Variants in PLAG1 observed in about 807,000 individuals in gnomAD.
PLAG1 encodes the protein PLAG1 zinc finger, also known as zinc finger protein PLAG1.
Under a neutral mutation model 35.5 loss-of-function variants are expected in PLAG1, and 7 were observed. The ratio of observed to expected loss-of-function variants is 0.20; its 90% CI spans 0.11 to 0.37. PLAG1 has a LOEUF of 0.37. Among genes scored for constraint, PLAG1 ranks in the 10% least tolerant of loss-of-function variants. The pLI, the probability that PLAG1 is intolerant of heterozygous loss-of-function variation, is 1.00. For missense variants in PLAG1, 454 were observed against 602.8 expected (o/e 0.75, Z 2.58); for synonymous variants, 229 against 225.4 (o/e 1.02, Z -0.14).
At chr8:56,202,104 T>A (rs1812572527) in intron 1 of PLAG1, among the ~76,000 whole-genome samples, 1 of 152,130 alleles carries the variant, frequency 6.6e-6, no homozygotes, top group Non-Finnish European at 1.5e-5. Flanking sequence ...AAAATACTAG[T>A]CTAATTCTAC....
chr8:56,183,699 T>C (rs1410617409), intron 1 of PLAG1, among the ~76,000 whole-genome samples: 1 of 152,224 alleles, frequency 6.6e-6, no homozygotes, highest in Non-Finnish European at 1.5e-5. Flanking sequence ...TCTTTACAAA[T>C]GTCTTTATAA....
intron 2 of PLAG1, among the ~76,000 whole-genome samples, chr8:56,178,283 A>G (rs963522320): frequency 7.9e-5 from 12 of 152,206 alleles, no homozygotes; most frequent in African/African-American, 2.4e-4. Flanking sequence ...GCATAAATTT[A>G]GTTTGGCTAA....
Position 56,162,161 on chromosome 8 carries a change from T to C in PLAG1, c.*4082A>G. The stretch of plus-strand genomic sequence containing the variant: ...GTTGTAGACATGGCTGCTGACACAG[T>C]GTGAGAAAAACAAGACAAATTCAAC... On this transcript the variant is annotated 3_prime_UTR_variant, in exon 5 of 5. Coordinates refer to ENST00000316981, the MANE Select transcript of PLAG1 (RefSeq NM_002655.3). 4.4e-6 allele frequency: 1 copy of C among 228,336 alleles called. No individual in the cohort carries two copies. The highest frequency in any genetic ancestry group is 8.7e-6 in the Non-Finnish European group (1 of 114,658). The allele number at this position is 228,336 out of a possible 1,614,324, so 14.1% of individuals were successfully genotyped here.
In PLAG1 at chr8:56,167,899, C is replaced by T; in HGVS notation, c.242+129G>A. ...AGAATACTAAAAACTAAACCAATGT[C>T]TAATCTACTTAACATTTCCTCTTTG... On this transcript the variant is annotated intron_variant, in intron 4 of 4. Transcript: ENST00000316981. The surrounding 1 kb of genome is among the most constrained non-coding windows in gnomAD (Gnocchi z 5.9). The T allele has an allele frequency of 1.7e-6, 1 of 580,028 alleles. No homozygotes were observed. Among genetic ancestry groups the T allele is most frequent in the African/African-American group, 1.9e-5 (1 of 53,768 alleles). 35.9% of individuals were successfully genotyped at this position (580,028 alleles called of 1,614,324 possible).
intron 2 of PLAG1, 71 bp downstream of exon 2, chr8:56,179,338 T>A (rs1811799821): frequency 5.6e-6 from 1 of 177,722 alleles, no homozygotes; most frequent in Admixed American, 6.5e-5. Context: ...ATATTATATC[T>A]TATAGTATTT....
In PLAG1 at chr8:56,168,042, C is replaced by T. The variant is rs779867482; in HGVS notation, c.228G>A (p.Lys76=). 8.3e-6 allele frequency: 13 copies of T among 1,562,054 alleles called. No homozygotes were observed. In the African/African-American group the frequency reaches 1.4e-4, roughly 16 times the overall value. Residue 76 remains lysine, a synonymous_variant, in exon 4 of 5, where the codon AAG becomes AAA. Coordinates refer to ENST00000316981, the MANE Select transcript of PLAG1 (RefSeq NM_002655.3). ...QQDCTKAFVS[K]YKLQRHMATH... is the part of the protein sequence containing the mutation. The stretch of plus-strand genomic sequence containing the variant: ...GAGTTTAATACCTTTGTAATTTGTA[C>T]TTAGAAACAAAGGCCTTGGTGCAGT...
At chr8:56,205,108 T>G (rs1291294506) in intron 1 of PLAG1, among the ~76,000 whole-genome samples, 1 of 151,910 alleles carries the variant, frequency 6.6e-6, no homozygotes, top group Non-Finnish European at 1.5e-5. Context: ...TTTTTAAATG[T>G]GACTAAGTCT....
At chr8:56,187,237 C>G (rs909476631) in intron 1 of PLAG1, among the ~76,000 whole-genome samples, 1 of 152,188 alleles carries the variant, frequency 6.6e-6, no homozygotes, top group Non-Finnish European at 1.5e-5. Context: ...AGATGTGTTA[C>G]AGAGAGAAGG....
intron 1 of PLAG1, among the ~76,000 whole-genome samples, chr8:56,191,361 G>A (rs1226993714): frequency 6.6e-6 from 1 of 152,166 alleles, no homozygotes; most frequent in Non-Finnish European, 1.5e-5. Context: ...AAGTCAGCAG[G>A]AGCAAGGAAG....
In PLAG1 at chr8:56,161,697, C is replaced by T; in HGVS notation, c.*4546G>A. ...TCACAGTATAAAAATATATTGTACA[C>T]TTTTACACCTAATGTAGTCCTTTTT... On this transcript the variant is annotated 3_prime_UTR_variant, in exon 5 of 5. Transcript: ENST00000316981. 4.4e-6 allele frequency: 1 copy of T among 227,792 alleles called. No individual in the cohort carries two copies. Among genetic ancestry groups the T allele is most frequent in the East Asian group, 6.3e-5 (1 of 15,858 alleles). 14.1% of individuals were successfully genotyped at this position (227,792 alleles called of 1,614,324 possible).
intron 2 of PLAG1, among the ~76,000 whole-genome samples, chr8:56,174,681 A>G (rs575754274): frequency 6.6e-6 from 1 of 152,226 alleles, no homozygotes; most frequent in African/African-American, 2.4e-5. Context: ...CATAATAGAC[A>G]TAAGATAGAA....
At chr8:56,207,797 A>G (rs1406931374) in intron 1 of PLAG1, among the ~76,000 whole-genome samples, 4 of 152,144 alleles carry the variant, frequency 2.6e-5, no homozygotes, top group African/African-American at 9.6e-5. Flanking sequence ...AGCTCAGTAC[A>G]ATCACTTCAA....
chr8:56,197,716 G>T (rs1481717798), intron 1 of PLAG1, among the ~76,000 whole-genome samples: 1 of 152,212 alleles, frequency 6.6e-6, no homozygotes, highest in Non-Finnish European at 1.5e-5. Context: ...TGGGGGGTGT[G>T]CATCCTTTTC....
intron 1 of PLAG1, among the ~76,000 whole-genome samples, chr8:56,200,283 GGAAGTTCCAACT>G (rs1812512426): frequency 6.6e-6 from 1 of 152,124 alleles, no homozygotes; most frequent in African/African-American, 2.4e-5. Flanking sequence ...AACCCATGAC[GGAAGTTCCAACT>G]GAATATAGAA....
intron 1 of PLAG1, among the ~76,000 whole-genome samples, chr8:56,194,504 CA>C (rs1029999903): frequency 6.6e-6 from 1 of 152,074 alleles, no homozygotes; most frequent in African/African-American, 2.4e-5. Context: ...GGGTGCACTA[CA>C]GTGGGAGAGA....
At position 56,164,482 on chromosome 8, in the gene PLAG1, C is replaced by G; in HGVS notation, c.*1761G>C. 4.5e-6 allele frequency: 1 copy of G among 222,926 alleles called. No homozygotes were observed. The highest frequency in any genetic ancestry group is 9.0e-6 in the Non-Finnish European group (1 of 111,328). The allele number at this position is 222,926 out of a possible 1,614,324, so 13.8% of individuals were successfully genotyped here. On this transcript the variant is annotated 3_prime_UTR_variant, in exon 5 of 5. Transcript: ENST00000316981. ...AGAAATTCTTGGTAAACATTGCAAT[C>G]TGCAGTGATAACTGGCCCTACAAAA...
chr8:56,193,695 CT>C (rs760038291), intron 1 of PLAG1, among the ~76,000 whole-genome samples: 1,956 of 130,780 alleles, frequency 0.015, 24 homozygotes, highest in African/African-American at 0.049. Context: ...ATTAGGTAAA[CT>C]TTTTTTTTTT....
rs771792606 is a variant in PLAG1, at chr8:56,167,483, G to A, written c.263C>T (p.Pro88Leu). Residue 88 changes from proline (P) to leucine (L), a missense_variant, in exon 5 of 5, where the codon CCT becomes CTT. By Grantham distance (98) the Pro-to-Leu change is moderately conservative (BLOSUM62 -3). Transcript: ENST00000316981. The surrounding 1 kb of genome is among the most constrained non-coding windows in gnomAD (Gnocchi z 5.9). Reference protein sequence around the residue: ...KLQRHMATHSPEKTHKCNYCE... With the variant: ...KLQRHMATHSLEKTHKCNYCE... ...ATAATTACACTTGTGGGTTTTCTCA[G>A]GAGAATGAGTAGCCATGTGCCTTTA... 3 of 1,609,396 alleles carry A rather than the reference G, an allele frequency of 1.9e-6. No individual in the cohort carries two copies. Among genetic ancestry groups the A allele is most frequent in the East Asian group, 2.2e-5 (1 of 44,834 alleles).
intron 1 of PLAG1, among the ~76,000 whole-genome samples, chr8:56,205,881 T>G (rs1812683872): frequency 6.6e-6 from 1 of 151,946 alleles, no homozygotes; most frequent in Non-Finnish European, 1.5e-5. Flanking sequence ...TGCACACACA[T>G]TTTTTAGGTA....
Sources: gnomAD v4.1 joint callset for allele counts (sites outside exome capture counted in the v4.1 genomes callset) on GRCh38, gnomAD v4.1.1 for gene constraint, Gnocchi (gnomAD v3.1) non-coding constraint, MANE v1.5 for transcripts, NCBI Gene and HGNC (gene_info 2026-07-23, HGNC 2026-07-21) for gene names.